The following SUMF1 variants were observed in gnomAD, a reference collection of about 807,000 sequenced individuals.
SUMF1 encodes formylglycine-generating enzyme.
In SUMF1, 48 loss-of-function variants were observed where a neutral mutation model predicts 47.6. The observed-to-expected ratio is 1.01, with a 90% confidence interval of 0.80 to 1.28. The LOEUF (loss-of-function observed/expected upper bound fraction) is 1.28, where lower values mean the gene tolerates loss of function less well. Among genes scored for constraint, SUMF1 ranks in the 50% most tolerant of loss-of-function variants. SUMF1 has a pLI of 0.00. For missense variants in SUMF1, 571 were observed against 485.4 expected (o/e 1.18, Z -1.66); for synonymous variants, 230 against 192.1 (o/e 1.20, Z -1.63).
intron 8 of SUMF1, among the ~76,000 whole-genome samples, chr3:4,236,975 A>G (rs953618225): frequency 1.3e-5 from 2 of 152,270 alleles, no homozygotes; most frequent in East Asian, 1.9e-4. Context: ...AGAATGTCAT[A>G]TAATAGAAAT....
chr3:4,195,081 C>A (rs1695399873), intron 8 of SUMF1, among the ~76,000 whole-genome samples: 1 of 152,110 alleles, frequency 6.6e-6, no homozygotes, highest in Admixed American at 6.6e-5. Flanking sequence ...AGCTTTTACT[C>A]AAGTGCTTAT....
At chr3:4,169,142 G>C (rs1435659471) in intron 8 of SUMF1, among the ~76,000 whole-genome samples, 2 of 152,076 alleles carry the variant, frequency 1.3e-5, no homozygotes, top group African/African-American at 4.8e-5. Context: ...ATAACAGATG[G>C]AACAGATAAT....
intron 8 of SUMF1, among the ~76,000 whole-genome samples, chr3:4,291,634 T>C (rs948294185): frequency 6.6e-6 from 1 of 152,188 alleles, no homozygotes; most frequent in Non-Finnish European, 1.5e-5. Context: ...TCCATGATCC[T>C]GTTTGATTGG....
chr3:4,079,280 T>C (rs532053648), intron 8 of SUMF1, among the ~76,000 whole-genome samples: 36 of 152,082 alleles, frequency 2.4e-4, no homozygotes, highest in African/African-American at 8.2e-4. Context: ...AATCTTAGAG[T>C]TGGAAGGGTT....
intron 8 of SUMF1, among the ~76,000 whole-genome samples, chr3:4,210,103 C>T (rs1249778521): frequency 6.6e-6 from 1 of 152,058 alleles, no homozygotes; most frequent in African/African-American, 2.4e-5. Flanking sequence ...CCATGTTAGC[C>T]AGGCTGGTCT....
intron 8 of SUMF1, among the ~76,000 whole-genome samples, chr3:4,101,816 T>C (rs904406112): frequency 6.6e-6 from 1 of 152,110 alleles, no homozygotes; most frequent in Non-Finnish European, 1.5e-5. Flanking sequence ...TACTGTATTA[T>C]TTCATTCTCA....
chr3:4,317,480 C>T, intron 8 of SUMF1: 1 of 433,290 alleles, frequency 2.3e-6, no homozygotes, highest in Admixed American at 3.7e-5. Flanking sequence ...TCCAATTGTT[C>T]AGGACCAGCC....
At chr3:4,179,964 T>C (rs73120432) in intron 8 of SUMF1, among the ~76,000 whole-genome samples, 51,421 of 151,998 alleles carry the variant, frequency 0.34, 8,843 homozygotes, top group East Asian at 0.4. Flanking sequence ...CACTGGTCAT[T>C]AGAGAAACAC....
At chr3:4,100,074 T>A (rs368042761) in intron 8 of SUMF1, among the ~76,000 whole-genome samples, 44 of 150,934 alleles carry the variant, frequency 2.9e-4, no homozygotes, top group East Asian at 7.8e-4. Flanking sequence ...CTTCCAATCC[T>A]TGGATTGGAA....
At chr3:4,262,457 G>T (rs1697107694) in intron 8 of SUMF1, among the ~76,000 whole-genome samples, 2 of 152,064 alleles carry the variant, frequency 1.3e-5, no homozygotes. Context: ...GACAATTATT[G>T]ATAGACAAAA....
chr3:4,035,906 G>A (rs1694784922), intron 9 of SUMF1, among the ~76,000 whole-genome samples: 1 of 152,094 alleles, frequency 6.6e-6, no homozygotes, highest in Non-Finnish European at 1.5e-5. Flanking sequence ...CAGTTTAGGG[G>A]GTGAGTGGAC....
intron 8 of SUMF1, among the ~76,000 whole-genome samples, chr3:4,145,889 G>A (rs1694182694): frequency 2.0e-5 from 3 of 152,026 alleles, no homozygotes; most frequent in Admixed American, 2.0e-4. Flanking sequence ...ACAGCTTTAG[G>A]CCCTGTTACA....
intron 8 of SUMF1, among the ~76,000 whole-genome samples, chr3:4,376,087 G>A (rs938131399): frequency 6.6e-6 from 1 of 152,162 alleles, no homozygotes; most frequent in Non-Finnish European, 1.5e-5. Context: ...TCTCTCAAAG[G>A]GGCAAGATTC....
Position 4,303,636 on chromosome 3 carries a change from T to C in SUMF1, c.1014+72694A>G, listed in dbSNP as rs139611296. Reference sequence around the variant, plus strand: ...CCAGTCGCGACCTTTTGTCTTCTCTTACAGCGCACCCGTTGGTGCGCGGGA... The same window carrying C: ...CCAGTCGCGACCTTTTGTCTTCTCTCACAGCGCACCCGTTGGTGCGCGGGA... On this transcript the variant is annotated intron_variant and NMD_transcript_variant, in intron 8 of 12. Coordinates refer to the SUMF1 transcript ENST00000448413. 2,081 of 1,419,002 alleles carry C rather than the reference T, an allele frequency of 1.5e-3. 36 individuals carry two copies. In the African/African-American group the frequency reaches 0.028, roughly 19 times the overall value. The allele number at this position is 1,419,002 out of a possible 1,614,324, so 87.9% of individuals were successfully genotyped here. A position where few individuals can be genotyped will look rare whatever the true frequency, so the allele number is the denominator to read the frequency against.
chr3:4,219,358 G>A (rs1485257), intron 8 of SUMF1, among the ~76,000 whole-genome samples: 1 of 152,154 alleles, frequency 6.6e-6, no homozygotes, highest in African/African-American at 2.4e-5. Context: ...TCAGGGAAGT[G>A]AAGTGGCTAA....
At chr3:4,140,372 A>C (rs1270775952) in intron 8 of SUMF1, among the ~76,000 whole-genome samples, 2 of 152,040 alleles carry the variant, frequency 1.3e-5, no homozygotes, top group African/African-American at 4.8e-5. Context: ...TCATTTTTAA[A>C]AGGATTCAGG....
chr3:4,378,687 T>A (rs1234629526), intron 7 of SUMF1, among the ~76,000 whole-genome samples: 2 of 152,200 alleles, frequency 1.3e-5, no homozygotes, highest in Non-Finnish European at 2.9e-5. Context: ...GTAGCAGCAA[T>A]GAAAGCATTT....
intron 8 of SUMF1, among the ~76,000 whole-genome samples, chr3:4,150,000 G>A (rs1253269320): frequency 1.3e-5 from 2 of 152,060 alleles, no homozygotes; most frequent in African/African-American, 4.8e-5. Flanking sequence ...CTGATTTATA[G>A]GTTTAAATAT....
At position 4,135,308 on chromosome 3, in the gene SUMF1, G is replaced by A. The variant is rs139115040; in HGVS notation, c.1015-66563C>T. Among the ~76,000 whole-genome samples, 344 of 152,184 alleles carry A rather than the reference G, an allele frequency of 2.3e-3. 6 individuals are homozygous for A. Among genetic ancestry groups the A allele is most frequent in the African/African-American group, 8.1e-3 (337 of 41,504 alleles). ...GTGGGCTTCATCCCTGGGATGCAAGGCTGGTTCAACATATGAAAATCAATA... is the reference window on the plus strand; with the variant it reads ...GTGGGCTTCATCCCTGGGATGCAAGACTGGTTCAACATATGAAAATCAATA... On this transcript the variant is annotated intron_variant and NMD_transcript_variant, in intron 8 of 12. Coordinates refer to the SUMF1 transcript ENST00000448413.
Sources: allele counts gnomAD v4.1 joint callset (sites outside exome capture counted in the v4.1 genomes callset), GRCh38; gene constraint gnomAD v4.1.1; transcripts MANE v1.5; gene names NCBI Gene and HGNC (gene_info 2026-07-23, HGNC 2026-07-21).